The following FBXO16 variants were observed in gnomAD, a reference collection of about 807,000 sequenced individuals.
The protein encoded by FBXO16 is F-box protein 16.
Under a neutral mutation model 41.0 loss-of-function variants are expected in FBXO16, and 31 were observed. The ratio of observed to expected loss-of-function variants is 0.76; its 90% CI spans 0.57 to 1.02. The LOEUF is 1.02. Among genes scored for constraint, FBXO16 ranks in the 50% least tolerant of loss-of-function variants. The pLI, the probability that FBXO16 is intolerant of heterozygous loss-of-function variation, is 0.00. For missense variants in FBXO16, 361 were observed against 346.2 expected (o/e 1.04, Z -0.34); for synonymous variants, 133 against 117.8 (o/e 1.13, Z -0.84).
chr8:28,433,910 C>A (rs1019247889), intron 7 of FBXO16, among the ~76,000 whole-genome samples: 1 of 151,418 alleles, frequency 6.6e-6, no homozygotes, highest in African/African-American at 2.4e-5. Flanking sequence ...ACAGGAACAG[C>A]CTGTATATAC....
At chr8:28,433,083 A>C (rs1384306134) in intron 7 of FBXO16, among the ~76,000 whole-genome samples, 1 of 144,390 alleles carries the variant, frequency 6.9e-6, no homozygotes, top group Non-Finnish European at 1.5e-5. Context: ...ACAAACAAAA[A>C]ACAAACAAAC....
At chr8:28,459,343 C>G (rs921667749) in intron 4 of FBXO16, among the ~76,000 whole-genome samples, 1 of 152,038 alleles carries the variant, frequency 6.6e-6, no homozygotes, top group African/African-American at 2.4e-5. Context: ...ATAGGCTGGG[C>G]GCAGTGGCTC....
chr8:28,463,249 T>G (rs971686197), intron 4 of FBXO16, among the ~76,000 whole-genome samples: 20 of 151,870 alleles, frequency 1.3e-4, no homozygotes, highest in Admixed American at 1.1e-3. Context: ...TGTACACGTT[T>G]GTGTGTTTGT....
chr8:28,476,941 C>T (rs1428244683), intron 2 of FBXO16, among the ~76,000 whole-genome samples: 3 of 152,134 alleles, frequency 2.0e-5, no homozygotes, highest in African/African-American at 4.8e-5. Flanking sequence ...TTATCCTATC[C>T]GTCATCTTCC....
At chr8:28,441,435 GTTAAAA>G (rs1802772526) in intron 7 of FBXO16, among the ~76,000 whole-genome samples, 3 of 152,220 alleles carry the variant, frequency 2.0e-5, no homozygotes, top group African/African-American at 7.2e-5. Context: ...TGCATCTGCT[GTTAAAA>G]TTAAAAATAT....
chr8:28,431,940 C>G (rs1802610878), intron 7 of FBXO16, among the ~76,000 whole-genome samples: 2 of 152,164 alleles, frequency 1.3e-5, no homozygotes, highest in African/African-American at 4.8e-5. Context: ...CTCAAAGTTA[C>G]CAGGGTTGTG....
intron 6 of FBXO16, among the ~76,000 whole-genome samples, chr8:28,447,949 G>A (rs967783146): frequency 9.9e-5 from 15 of 151,204 alleles, no homozygotes; most frequent in African/African-American, 2.7e-4. Context: ...GTGAGACTCC[G>A]TCTCAAAAAA....
At chr8:28,474,469 A>T (rs1042316753) in intron 2 of FBXO16, among the ~76,000 whole-genome samples, 1 of 152,044 alleles carries the variant, frequency 6.6e-6, no homozygotes, top group Non-Finnish European at 1.5e-5. Context: ...AGAATTTGAA[A>T]GGAGATGAAA....
intron 3 of FBXO16, among the ~76,000 whole-genome samples, chr8:28,464,287 A>T (rs1406286721): frequency 6.6e-6 from 1 of 152,234 alleles, no homozygotes; most frequent in Non-Finnish European, 1.5e-5. Context: ...ATTGGCGTAA[A>T]TTCTCACTAG....
chr8:28,477,431 G>C (rs1803440708), intron 2 of FBXO16, among the ~76,000 whole-genome samples: 1 of 152,106 alleles, frequency 6.6e-6, no homozygotes, highest in Admixed American at 6.6e-5. Flanking sequence ...ATCCAGAAGG[G>C]ACCTTCAAGG....
intron 3 of FBXO16, among the ~76,000 whole-genome samples, chr8:28,468,476 T>C (rs187124066): frequency 2.0e-5 from 3 of 152,278 alleles, no homozygotes; most frequent in Non-Finnish European, 4.4e-5. Flanking sequence ...CTGGTTGAGT[T>C]TCTGAGTCCT....
At chr8:28,467,117 A>G (rs547661494) in intron 3 of FBXO16, among the ~76,000 whole-genome samples, 29 of 152,096 alleles carry the variant, frequency 1.9e-4, no homozygotes, top group African/African-American at 7.0e-4. Context: ...TTCTAAAATT[A>G]CTTTTGGGCA....
chr8:28,466,678 C>G (rs908391326), intron 3 of FBXO16, among the ~76,000 whole-genome samples: 9 of 151,122 alleles, frequency 6.0e-5, no homozygotes, highest in African/African-American at 2.2e-4. Context: ...GCCTGTAGTC[C>G]CAGTTACATG....
intron 1 of FBXO16, among the ~76,000 whole-genome samples, chr8:28,486,195 G>A (rs1803598978): frequency 6.7e-6 from 1 of 150,018 alleles, no homozygotes. Flanking sequence ...TTTTGTTGTT[G>A]TTATTTATTT....
At chr8:28,461,131 A>T (rs1306913901) in intron 4 of FBXO16, among the ~76,000 whole-genome samples, 2 of 149,744 alleles carry the variant, frequency 1.3e-5, no homozygotes, top group African/African-American at 4.9e-5. Context: ...GATAGTTGCA[A>T]CTTATTTACC....
chr8:28,437,660 G>A (rs1321421746), intron 7 of FBXO16, among the ~76,000 whole-genome samples: 5 of 152,164 alleles, frequency 3.3e-5, no homozygotes, highest in Non-Finnish European at 7.3e-5. Flanking sequence ...ACTGCTTGAG[G>A]CCAGGAATTC....
At chr8:28,455,471 A>G (rs1803025239) in intron 5 of FBXO16, among the ~76,000 whole-genome samples, 1 of 152,222 alleles carries the variant, frequency 6.6e-6, no homozygotes, top group South Asian at 2.1e-4. Flanking sequence ...TCCTGGCCTC[A>G]AGCAATCCTC....
At chr8:28,474,569 C>A (rs1240922646) in intron 2 of FBXO16, among the ~76,000 whole-genome samples, 1 of 151,974 alleles carries the variant, frequency 6.6e-6, no homozygotes, top group Admixed American at 6.6e-5. Flanking sequence ...AGTGAATGAT[C>A]AGTTCTGTTT....
At chr8:28,438,982 C>A (rs1053843035) in intron 7 of FBXO16, among the ~76,000 whole-genome samples, 1 of 151,776 alleles carries the variant, frequency 6.6e-6, no homozygotes, top group Admixed American at 6.6e-5. Context: ...TGCCTGTAAT[C>A]CAAGCTACTT....
Sources: gnomAD v4.1 joint callset for allele counts (sites outside exome capture counted in the v4.1 genomes callset) on GRCh38, gnomAD v4.1.1 for gene constraint, MANE v1.5 for transcripts, NCBI Gene and HGNC (gene_info 2026-07-23, HGNC 2026-07-21) for gene names.